BRD1: variants seen among roughly 807,000 people sequenced by gnomAD.
BRD1 encodes bromodomain containing 1.
A neutral mutation model predicts 107.7 loss-of-function variants in BRD1; 24 were observed. That is an observed-to-expected ratio of 0.22 (90% CI 0.16 to 0.31). The LOEUF is 0.31. Ranked by LOEUF, BRD1 falls within the 10% of genes least tolerant of loss-of-function variation. BRD1 has a pLI of 1.00. For missense variants in BRD1, 1,279 were observed against 1,638.6 expected (o/e 0.78, Z 3.79); for synonymous variants, 744 against 686.1 (o/e 1.08, Z -1.32).
chr22:49,785,305 G>A (rs2059301696), intron 8 of BRD1, among the ~76,000 whole-genome samples: 1 of 152,264 alleles, frequency 6.6e-6, no homozygotes, highest in Admixed American at 6.5e-5. Flanking sequence ...GTCGACGGGA[G>A]GCCGCCTCAA....
At chr22:49,826,182 C>T (rs1313124524) in intron 1 of BRD1, 1 of 985,446 alleles carries the variant, frequency 1.0e-6, no homozygotes, top group African/African-American at 1.7e-5. Flanking sequence ...ATTTTCCCCT[C>T]GACAGCAAAG....
At chr22:49,817,693 TG>T (rs2059980236) in intron 2 of BRD1, 1 of 223,076 alleles carries the variant, frequency 4.5e-6, no homozygotes, top group Non-Finnish European at 1.0e-5. Flanking sequence ...AAAGATTTCT[TG>T]GAAGAATATC....
At chr22:49,812,805 C>T (rs945267155) in intron 2 of BRD1, among the ~76,000 whole-genome samples, 3 of 151,354 alleles carry the variant, frequency 2.0e-5, no homozygotes, top group South Asian at 2.1e-4. Context: ...GACAAGGTGC[C>T]GCCCATGTAC....
At chr22:49,818,975 G>A (rs945956614) in intron 2 of BRD1, among the ~76,000 whole-genome samples, 8 of 152,030 alleles carry the variant, frequency 5.3e-5, no homozygotes, top group African/African-American at 1.9e-4. Context: ...AGAAAAAATA[G>A]GGCTGGGTGC....
At chr22:49,806,747 C>T (rs1429506390) in intron 2 of BRD1, 2 of 152,286 alleles carry the variant, frequency 1.3e-5, no homozygotes, top group Non-Finnish European at 2.9e-5. Flanking sequence ...CCTATAATCC[C>T]AGCACTTTGG....
intron 2 of BRD1, among the ~76,000 whole-genome samples, chr22:49,808,996 G>A (rs1403719045): frequency 2.0e-5 from 3 of 151,938 alleles, no homozygotes; most frequent in South Asian, 2.1e-4. Context: ...GCACACGCCC[G>A]TAATCCTAGC....
intron 7 of BRD1, among the ~76,000 whole-genome samples, chr22:49,793,689 T>C (rs1343854033): frequency 6.6e-6 from 1 of 152,246 alleles, no homozygotes; most frequent in East Asian, 1.9e-4. Context: ...CTCTCATCAT[T>C]CAGGCTACCT....
At position 49,804,199 on chromosome 22, in the gene BRD1, C is replaced by G; in HGVS notation, c.1524+5G>C. The G allele has an allele frequency of 6.3e-7, 1 of 1,575,134 alleles. No individual in the cohort carries two copies. The highest frequency in any genetic ancestry group is 8.6e-7 in the Non-Finnish European group (1 of 1,159,266). ...GAAAGGCTGTGGGGGCCACGAGCCA[C>G]GTACCTGCTGTGAGCTTCGCTGAGA... On this transcript the variant is annotated splice_donor_5th_base_variant and intron_variant, in intron 3 of 12. Coordinates refer to ENST00000404760, the MANE Select transcript of BRD1 (RefSeq NM_001304808.3).
chr22:49,825,331 C>T (rs1021281416), intron 1 of BRD1, among the ~76,000 whole-genome samples: 4 of 152,206 alleles, frequency 2.6e-5, no homozygotes, highest in African/African-American at 9.6e-5. Flanking sequence ...CCAGGAGGGT[C>T]GCCAGCGCTG....
At chr22:49,812,981 G>C (rs1021360345) in intron 2 of BRD1, among the ~76,000 whole-genome samples, 1 of 152,206 alleles carries the variant, frequency 6.6e-6, no homozygotes, top group African/African-American at 2.4e-5. Flanking sequence ...GGTGGCCCAA[G>C]GTCCAGGTCA....
At chr22:49,820,512 G>GGGAGGAGGCTGAGGCA (rs2060045490) in intron 2 of BRD1, among the ~76,000 whole-genome samples, 1 of 152,144 alleles carries the variant, frequency 6.6e-6, no homozygotes, top group African/African-American at 2.4e-5. Context: ...AGGCTGAGGC[G>GGGAGGAGGCTGAGGCA]GGAAGATCGC....
chr22:49,818,136 G>T, intron 2 of BRD1: 1 of 843,700 alleles, frequency 1.2e-6, no homozygotes, highest in Non-Finnish European at 1.5e-6. Flanking sequence ...ACCAGTGAAG[G>T]CGGGAGGAGC....
At chr22:49,793,525 T>A (rs2059472892) in intron 7 of BRD1, among the ~76,000 whole-genome samples, 1 of 152,216 alleles carries the variant, frequency 6.6e-6, no homozygotes, top group Non-Finnish European at 1.5e-5. Flanking sequence ...AGACAAGGCC[T>A]CTGCAGGTAC....
chr22:49,807,964 A>G lies in BRD1; in HGVS notation c.1368-3604T>C, dbSNP rs1482341104. Among the ~76,000 whole-genome samples, 4 of 152,300 alleles carry G rather than the reference A, an allele frequency of 2.6e-5. No individual in the cohort carries two copies. The South Asian group carries it at 6.2e-4, about 24-fold the overall frequency. On this transcript the variant is annotated intron_variant, in intron 2 of 12. Transcript: ENST00000404760. ...ATGCTCAATAAACACAGAAATGCAAATCCAAACTATGATGTCACCTTCACA... is the reference window on the plus strand; with the variant it reads ...ATGCTCAATAAACACAGAAATGCAAGTCCAAACTATGATGTCACCTTCACA...
chr22:49,782,711 C>T (rs1373891407), intron 8 of BRD1, among the ~76,000 whole-genome samples: 1 of 141,310 alleles, frequency 7.1e-6, no homozygotes, highest in African/African-American at 2.7e-5. Context: ...AGGCCCAGGC[C>T]AGATGCCTGC....
chr22:49,808,153 G>A (rs2059780013), intron 2 of BRD1, among the ~76,000 whole-genome samples: 1 of 152,186 alleles, frequency 6.6e-6, no homozygotes. Context: ...AGACAGAAAT[G>A]CCGTGTGACC....
At chr22:49,815,295 T>C (rs1335283561) in intron 2 of BRD1, among the ~76,000 whole-genome samples, 2 of 152,076 alleles carry the variant, frequency 1.3e-5, no homozygotes, top group African/African-American at 4.8e-5. Flanking sequence ...TCCCAACACT[T>C]TGGGAGGCTA....
At chr22:49,798,155 A>ATATCCTGTTTTAGTTTGT in intron 5 of BRD1, 38 bp from the exon 6 acceptor site, 2 of 1,541,414 alleles carry the variant, frequency 1.3e-6, no homozygotes, top group Non-Finnish European at 1.8e-6. Flanking sequence ...TTACAAACTA[A>ATATCCTGTTTTAGTTTGT]AACAGGATAT....
At chr22:49,796,427 G>T (rs752234648) in intron 6 of BRD1, among the ~76,000 whole-genome samples, 1 of 150,128 alleles carries the variant, frequency 6.7e-6, no homozygotes. Flanking sequence ...CACAATCTCC[G>T]CTCACTGCAG....
Sources: gnomAD v4.1 joint callset for allele counts (sites outside exome capture counted in the v4.1 genomes callset) on GRCh38, gnomAD v4.1.1 for gene constraint, MANE v1.5 for transcripts, NCBI Gene and HGNC (gene_info 2026-07-23, HGNC 2026-07-21) for gene names.